The following DSCAM variants were observed in gnomAD, a reference collection of about 807,000 sequenced individuals.
The protein encoded by DSCAM is cell adhesion molecule DSCAM.
In DSCAM, 47 loss-of-function variants were observed where a neutral mutation model predicts 217.7. That is an observed-to-expected ratio of 0.22 (90% CI 0.17 to 0.28). The LOEUF is 0.28. DSCAM is among the 10% of genes least tolerant of loss of function. The pLI is 1.00. For synonymous variants in DSCAM, 1,056 were observed against 1,015.3 expected, an observed-to-expected ratio of 1.04 and a Z score of -0.76; for missense variants, 2,080 against 2,618.3, an observed-to-expected ratio of 0.79 and a Z score of 4.49.
In DSCAM at chr21:40,042,568, G is replaced by A. The variant is rs779730383; in HGVS notation, c.5489C>T (p.Ala1830Val). ...GAAGCACTCCGTGATGGTGAACTTGGCGTGCCTCAGTTGCTCTTCCATCTT... is the reference window on the plus strand; with the variant it reads ...GAAGCACTCCGTGATGGTGAACTTGACGTGCCTCAGTTGCTCTTCCATCTT... ...HAKMEEQLRH[A>V]KFTITECFIS... Residue 1830 changes from alanine (A) to valine (V), a missense_variant, in exon 32 of 33, where the codon GCC (alanine) becomes GTC (valine). By Grantham distance (64) the Ala-to-Val change is moderately conservative. Around this residue, in one of 5 missense-constraint regions of DSCAM, gnomAD observed 1,144 missense variants for 1,421.1 expected, o/e 0.81. Coordinates refer to ENST00000400454, the MANE Select transcript of DSCAM (RefSeq NM_001389.5). 1 of 1,614,178 alleles carries A rather than the reference G, an allele frequency of 6.2e-7. No homozygotes were observed. Among genetic ancestry groups the A allele is most frequent in the Non-Finnish European group, 8.5e-7 (1 of 1,180,040 alleles).
intron 1 of DSCAM, among the ~76,000 whole-genome samples, chr21:40,844,580 C>T (rs1446155245): frequency 1.3e-5 from 2 of 152,040 alleles, no homozygotes; most frequent in Non-Finnish European, 2.9e-5. Context: ...ACTTGCAGAA[C>T]TCACTATATG....
At chr21:40,735,896 G>A (rs1477005896) in intron 1 of DSCAM, among the ~76,000 whole-genome samples, 1 of 152,086 alleles carries the variant, frequency 6.6e-6, no homozygotes, top group Non-Finnish European at 1.5e-5. Flanking sequence ...CAGAGGTAGT[G>A]CAGACTTCCC....
intron 4 of DSCAM, among the ~76,000 whole-genome samples, chr21:40,355,249 ACT>A (rs1601580860): frequency 6.6e-6 from 1 of 152,328 alleles, no homozygotes; most frequent in East Asian, 1.9e-4. Context: ...TCAGGGACAG[ACT>A]CTCTGAGAAG....
intron 8 of DSCAM, among the ~76,000 whole-genome samples, chr21:40,324,546 T>C (rs1365414206): frequency 6.6e-6 from 1 of 152,224 alleles, no homozygotes; most frequent in Non-Finnish European, 1.5e-5. Flanking sequence ...TCTTGAAAGT[T>C]ATTTTTATGG....
intron 19 of DSCAM, among the ~76,000 whole-genome samples, chr21:40,127,917 G>A (rs2090112807): frequency 6.6e-6 from 1 of 151,934 alleles, no homozygotes; most frequent in African/African-American, 2.4e-5. Context: ...CGGGCCCTTG[G>A]GATGCCATGA....
chr21:40,433,041 A>G (rs1332130049), intron 3 of DSCAM, among the ~76,000 whole-genome samples: 1 of 152,112 alleles, frequency 6.6e-6, no homozygotes, highest in Non-Finnish European at 1.5e-5. Context: ...AATCAGTCAC[A>G]TTTCTTCTTC....
At chr21:40,680,974 A>G (rs956395601) in intron 3 of DSCAM, among the ~76,000 whole-genome samples, 3 of 152,238 alleles carry the variant, frequency 2.0e-5, no homozygotes, top group African/African-American at 7.2e-5. Flanking sequence ...AACTTTGCAA[A>G]TAGAATCTAG....
chr21:40,385,075 C>A (rs566954063), intron 3 of DSCAM: 2 of 152,072 alleles, frequency 1.3e-5, no homozygotes, highest in Non-Finnish European at 2.9e-5. Context: ...TTCCCAGTTT[C>A]GACTTTTTAT....
At chr21:40,148,872 A>AT (rs2090388682) in intron 16 of DSCAM, among the ~76,000 whole-genome samples, 1 of 152,132 alleles carries the variant, frequency 6.6e-6, no homozygotes, top group African/African-American at 2.4e-5. Context: ...AATTAACCTA[A>AT]TGGTAGAAGC....
chr21:40,035,448 T>TCAA (rs2088600926), intron 32 of DSCAM, among the ~76,000 whole-genome samples: 1 of 126,652 alleles, frequency 7.9e-6, no homozygotes, highest in African/African-American at 3.5e-5. Context: ...AGGGATCAAT[T>TCAA]CAACAAGAAG....
intron 26 of DSCAM, among the ~76,000 whole-genome samples, chr21:40,077,745 G>C (rs982680462): frequency 2.6e-5 from 4 of 152,210 alleles, no homozygotes; most frequent in African/African-American, 9.7e-5. Context: ...TGTCAATAAA[G>C]GGTTTGGGTG....
chr21:40,658,607 C>T (rs1601827877), intron 3 of DSCAM, among the ~76,000 whole-genome samples: 1 of 152,140 alleles, frequency 6.6e-6, no homozygotes. Context: ...AATATGGCTG[C>T]ATTTGCATAC....
chr21:40,259,661 CTTTTTTTTTTTTTTTTTT>C (rs542106779), intron 11 of DSCAM, among the ~76,000 whole-genome samples: 40 of 59,518 alleles, frequency 6.7e-4, no homozygotes, highest in Admixed American at 2.7e-3. Context: ...GTCAGCCATT[CTTTTTTTTTTTTTTTTTT>C]TTTTTTTTTT....
chr21:40,671,751 T>C (rs1422166531), intron 3 of DSCAM, among the ~76,000 whole-genome samples: 4 of 143,262 alleles, frequency 2.8e-5, no homozygotes, highest in Non-Finnish European at 6.1e-5. Flanking sequence ...TTTAAATTTA[T>C]AAAAATGAAC....
chr21:40,176,976 AG>A (rs534324568), intron 15 of DSCAM, among the ~76,000 whole-genome samples: 125 of 152,376 alleles, frequency 8.2e-4, no homozygotes, highest in African/African-American at 2.9e-3. Flanking sequence ...TCAGAAAAGC[AG>A]GTGCAAAATG....
chr21:40,499,553 T>C (rs1225843969), intron 3 of DSCAM, among the ~76,000 whole-genome samples: 5 of 152,232 alleles, frequency 3.3e-5, no homozygotes, highest in Non-Finnish European at 7.3e-5. Context: ...GGACAAACTA[T>C]GATCCAACGT....
chr21:40,605,679 GCTACAGA>G (rs1169845629), intron 3 of DSCAM, among the ~76,000 whole-genome samples: 18 of 151,906 alleles, frequency 1.2e-4, no homozygotes, highest in African/African-American at 3.9e-4. Flanking sequence ...CTCTATACAG[GCTACAGA>G]ATGAAAGGCC....
At chr21:40,229,163 A>G (rs892236492) in intron 11 of DSCAM, among the ~76,000 whole-genome samples, 3 of 152,214 alleles carry the variant, frequency 2.0e-5, no homozygotes, top group Non-Finnish European at 2.9e-5. Context: ...CAACTTTGTC[A>G]ACCAGAGTGC....
chr21:40,211,249 T>C lies in DSCAM; in HGVS notation c.2357-22011A>G, dbSNP rs145081027. 5.0e-3 allele frequency among the ~76,000 whole-genome samples: 765 copies of C among 152,356 alleles called. 4 individuals carry two copies. The highest frequency in any genetic ancestry group is 0.016 in the African/African-American group (679 of 41,580). On this transcript the variant is annotated intron_variant, in intron 11 of 32. Transcript: ENST00000400454. ...TTCCAAACTATGGATGGACCATAGA[T>C]TTTTCAACCATTCACCTGTGAGAAA...
Sources: allele counts gnomAD v4.1 joint callset (sites outside exome capture counted in the v4.1 genomes callset), GRCh38; gene constraint gnomAD v4.1.1; regional missense constraint gnomAD v4.1.1; transcripts MANE v1.5; gene names NCBI Gene and HGNC (gene_info 2026-07-23, HGNC 2026-07-21).